The following KIF4A variants were observed in gnomAD, a reference collection of about 807,000 sequenced individuals.
The protein encoded by KIF4A is chromosome-associated kinesin KIF4A.
Under a neutral mutation model 105.9 loss-of-function variants are expected in KIF4A, and 7 were observed. The observed-to-expected ratio is 0.07, with a 90% confidence interval of 0.04 to 0.12. The LOEUF is 0.12. KIF4A is among the 10% of genes least tolerant of loss of function. The pLI is 1.00. For synonymous variants in KIF4A, 281 were observed against 331.3 expected (o/e 0.85, Z 1.65); for missense variants, 558 against 929.2 (o/e 0.60, Z 5.19).
rs2086242576 is a variant in KIF4A at position 70,392,851 on chromosome X, TAA to T, written c.2233-2819_2233-2818del. Reference sequence around the variant, plus strand: ...CACTCTGATCTTATAATAATAATAATAATAATAATTATTATTATTATTATTTT... The same window carrying T: ...CACTCTGATCTTATAATAATAATAATTAATAATTATTATTATTATTATTTT... On this transcript the variant is annotated intron_variant, in intron 20 of 30. Coordinates refer to ENST00000374403, the MANE Select transcript of KIF4A (RefSeq NM_012310.5). 7.6e-5 allele frequency among the ~76,000 whole-genome samples: 8 copies of T among 105,530 alleles called. No individual in the cohort carries two copies. The South Asian group carries it at 2.0e-3, about 26-fold the overall frequency. The allele number at this position is 105,530 out of a possible 115,157, so 91.6% of individuals were successfully genotyped here. A position where few individuals can be genotyped will look rare whatever the true frequency, so the allele number is the denominator to read the frequency against.
At chrX:70,392,843 A>G (rs1411376168) in intron 20 of KIF4A, among the ~76,000 whole-genome samples, 2 of 104,844 alleles carry the variant, frequency 1.9e-5, no homozygotes, top group Non-Finnish European at 3.9e-5. Flanking sequence ...ATCTTATAAT[A>G]ATAATAATAA....
rs768091173 is a variant in KIF4A, at chrX:70,341,832, G to A, written c.1167G>A (p.Met389Ile). The A allele has an allele frequency of 7.3e-5, 88 of 1,209,546 alleles. No individual in the cohort carries two copies. The East Asian group carries it at 2.6e-3, about 35-fold the overall frequency. ...CATCAGAGAATCTACAATCCCTGAT[G>A]GAGAAGAATCAGTCCCTGGTAGAGG... ...VEPSENLQSL[M>I]EKNQSLVEEN... is the part of the protein sequence containing the mutation. The change falls in exon 11 of 31, where the codon ATG becomes ATA. Residue 389 changes from methionine (M) to isoleucine (I), a missense_variant. Physicochemically the swap from Met to Ile is conservative, Grantham distance 10 (BLOSUM62 1). Coordinates refer to ENST00000374403, the MANE Select transcript of KIF4A (RefSeq NM_012310.5).
intron 15 of KIF4A, among the ~76,000 whole-genome samples, chrX:70,357,537 C>T (rs2086056845): frequency 8.9e-6 from 1 of 111,997 alleles, no homozygotes; most frequent in African/African-American, 3.2e-5. Flanking sequence ...ATGTCTTCCT[C>T]CTCTTTAGTA....
intron 13 of KIF4A, among the ~76,000 whole-genome samples, chrX:70,349,217 C>T (rs1209226525): frequency 5.2e-5 from 5 of 96,247 alleles, no homozygotes; most frequent in East Asian, 7.3e-4. Context: ...CAGAGGCGCT[C>T]CTCACTTCCT....
At chrX:70,354,932 C>T (rs2086045058) in intron 15 of KIF4A, among the ~76,000 whole-genome samples, 1 of 112,131 alleles carries the variant, frequency 8.9e-6, no homozygotes, top group Admixed American at 9.4e-5. Flanking sequence ...TTTTTTGGCA[C>T]TGTCTACAAG....
At chrX:70,333,593 G>A (rs41306123) in intron 9 of KIF4A, 35 bp from the exon 10 acceptor site, 32,435 of 1,087,463 alleles carry the variant, frequency 0.03, 429 homozygotes, top group Non-Finnish European at 0.036. Context: ...CATTTGGTTG[G>A]TGACTAGCTG....
chrX:70,396,054 C>T lies in KIF4A; in HGVS notation c.2489+5C>T. ...AGAGACTGAAATGGAATTCAGGTAA[C>T]AGGGACTATCTCTAAGCCATTATAA... On this transcript the variant is annotated splice_donor_5th_base_variant and intron_variant, in intron 22 of 30. Coordinates refer to ENST00000374403, the MANE Select transcript of KIF4A (RefSeq NM_012310.5). 1 of 1,125,123 alleles carries T rather than the reference C, an allele frequency of 8.9e-7. No individual in the cohort carries two copies. Among genetic ancestry groups the T allele is most frequent in the African/African-American group, 1.8e-5 (1 of 55,997 alleles). 92.7% of individuals were successfully genotyped at this position (1,125,123 alleles called of 1,213,427 possible). A position where few individuals can be genotyped will look rare whatever the true frequency, so the allele number is the denominator to read the frequency against.
intron 9 of KIF4A, 67 bp from the exon 10 acceptor site, chrX:70,333,561 T>C: frequency 1.3e-6 from 1 of 782,241 alleles, no homozygotes; most frequent in Admixed American, 2.3e-5. Context: ...TTGTGGTAAT[T>C]TTACTGCCAA....
intron 7 of KIF4A, among the ~76,000 whole-genome samples, chrX:70,328,959 G>A (rs946076546): frequency 9.0e-6 from 1 of 111,543 alleles, no homozygotes; most frequent in Non-Finnish European, 1.9e-5. Context: ...TTTACTAGCT[G>A]TTTGACCTTA....
intron 22 of KIF4A, among the ~76,000 whole-genome samples, chrX:70,398,234 C>T (rs2086267903): frequency 9.0e-6 from 1 of 111,622 alleles, no homozygotes; most frequent in Non-Finnish European, 1.9e-5. Context: ...GACAGGGTTT[C>T]ACCATGTTGG....
intron 28 of KIF4A, among the ~76,000 whole-genome samples, chrX:70,416,824 T>A (rs956933121): frequency 1.9e-4 from 22 of 113,065 alleles, no homozygotes; most frequent in African/African-American, 7.1e-4. Flanking sequence ...TTAGAGCTGA[T>A]AAATATGCCT....
At chrX:70,368,455 T>A (rs1261276196) in intron 15 of KIF4A, among the ~76,000 whole-genome samples, 2 of 112,374 alleles carry the variant, frequency 1.8e-5, no homozygotes, top group Non-Finnish European at 3.8e-5. Context: ...GTTTGTTAGT[T>A]TTCCTTGTAA....
Position 70,420,845 on chromosome X carries a change from C to G in KIF4A, c.*580C>G, listed in dbSNP as rs1226829306. On this transcript the variant is annotated 3_prime_UTR_variant, in exon 31 of 31. Transcript: ENST00000374403. ...CCGTCTACTGTTTGGGAAGATCCTT[C>G]TGTGCTAGAGGGAGAAATAAAATTT... 6 of 112,435 alleles carry G rather than the reference C, an allele frequency of 5.3e-5. No homozygotes were observed. Among genetic ancestry groups the G allele is most frequent in the Non-Finnish European group, 7.5e-5 (4 of 53,126 alleles). 9.3% of individuals were successfully genotyped at this position (112,435 alleles called of 1,213,427 possible).
At chrX:70,337,583 T>C (rs1754586508) in intron 10 of KIF4A, among the ~76,000 whole-genome samples, 1 of 110,819 alleles carries the variant, frequency 9.0e-6, no homozygotes, top group Non-Finnish European at 1.9e-5. Context: ...GTTGGGAGGA[T>C]CACCTGAGCC....
chrX:70,398,747 G>C (rs182372224), intron 22 of KIF4A, among the ~76,000 whole-genome samples: 76 of 112,097 alleles, frequency 6.8e-4, no homozygotes, highest in Non-Finnish European at 1.7e-4. Flanking sequence ...CAGACTGTAA[G>C]CTTGTTGAAG....
intron 13 of KIF4A, 72 bp from the exon 14 acceptor site, chrX:70,352,528 T>C: frequency 2.5e-6 from 2 of 787,056 alleles, no homozygotes; most frequent in Non-Finnish European, 3.8e-6. Flanking sequence ...AAAAATTAAA[T>C]AACCAATATA....
At chrX:70,393,805 C>G (rs1602799643) in intron 20 of KIF4A, among the ~76,000 whole-genome samples, 1 of 2,526 alleles carries the variant, frequency 4.0e-4, no homozygotes, top group Admixed American at 7.6e-3. Context: ...TTTTCTCTTT[C>G]TTTCTTTCTT....
At chrX:70,326,736 C>T (rs192894731) in intron 7 of KIF4A, among the ~76,000 whole-genome samples, 54 of 111,804 alleles carry the variant, frequency 4.8e-4, no homozygotes, top group Non-Finnish European at 8.7e-4. Context: ...TATGTTCTTC[C>T]CCATCTTTGT....
intron 17 of KIF4A, 102 bp downstream of exon 17, chrX:70,375,450 G>C: frequency 1.2e-6 from 1 of 814,400 alleles, no homozygotes; most frequent in Non-Finnish European, 1.8e-6. Context: ...GAAAATAGCA[G>C]GCAGAGCAAT....
Sources: allele counts gnomAD v4.1 joint callset (sites outside exome capture counted in the v4.1 genomes callset), GRCh38; gene constraint gnomAD v4.1.1; transcripts MANE v1.5; gene names NCBI Gene and HGNC (gene_info 2026-07-23, HGNC 2026-07-21).